The following ZNF730 variants were observed in gnomAD, a reference collection of about 807,000 sequenced individuals.
ZNF730 encodes the protein zinc finger protein 730.
A neutral mutation model predicts 12.6 loss-of-function variants in ZNF730; 12 were observed. The ratio of observed to expected loss-of-function variants is 0.95; its 90% CI spans 0.61 to 1.54. ZNF730 has a LOEUF of 1.54. Among genes scored for constraint, ZNF730 ranks in the 40% most tolerant of loss-of-function variants. The pLI, the probability that ZNF730 is intolerant of heterozygous loss-of-function variation, is 0.00. For missense variants in ZNF730, 643 were observed against 583.5 expected (o/e 1.10, Z -1.05); for synonymous variants, 194 against 195.8 (o/e 0.99, Z 0.08).
chr19:23,137,472 G>T (rs2145678435), intron 3 of ZNF730, among the ~76,000 whole-genome samples: 1 of 152,266 alleles, frequency 6.6e-6, no homozygotes, highest in Non-Finnish European at 1.5e-5. Flanking sequence ...CTTTAATCAG[G>T]TTTTAATGTA....
intron 1 of ZNF730, among the ~76,000 whole-genome samples, chr19:23,121,500 C>A (rs921163292): frequency 2.0e-5 from 3 of 152,042 alleles, no homozygotes; most frequent in South Asian, 2.1e-4. Context: ...TGCCACCATG[C>A]CTGGCTAATT....
At chr19:23,135,849 A>AT (rs1215373372) in intron 2 of ZNF730, 99 bp from the exon 3 acceptor site, 7 of 1,175,348 alleles carry the variant, frequency 6.0e-6, no homozygotes. Context: ...TTTGGGGTTA[A>AT]TTTACTAGAA....
At chr19:23,126,935 C>T (rs1016614999) in intron 1 of ZNF730, 4 of 519,040 alleles carry the variant, frequency 7.7e-6, no homozygotes, top group East Asian at 5.3e-5. Context: ...GTTTGAGGTC[C>T]TCATCAGCAG....
intron 3 of ZNF730, among the ~76,000 whole-genome samples, chr19:23,141,564 C>G (rs879137318): frequency 2.0e-5 from 3 of 152,188 alleles, no homozygotes; most frequent in Admixed American, 2.0e-4. Flanking sequence ...TTGCATTGAG[C>G]AGGATAGACA....
intron 1 of ZNF730, among the ~76,000 whole-genome samples, chr19:23,080,280 T>C (rs1969940510): frequency 6.6e-6 from 1 of 152,242 alleles, no homozygotes; most frequent in Non-Finnish European, 1.5e-5. Flanking sequence ...TGAGTCATAC[T>C]GCAATGTACA....
chr19:23,112,296 A>T (rs1555714068), upstream of ZNF730, among the ~76,000 whole-genome samples: 1 of 152,202 alleles, frequency 6.6e-6, no homozygotes, highest in Non-Finnish European at 1.5e-5. Flanking sequence ...TGATACTCTT[A>T]GTTAAGTTTG....
At chr19:23,096,627 A>G (rs1384262098) in intron 1 of ZNF730, among the ~76,000 whole-genome samples, 3 of 152,042 alleles carry the variant, frequency 2.0e-5, no homozygotes, top group African/African-American at 7.2e-5. Context: ...TCTGAGCCCT[A>G]CCCACAGAAG....
chr19:23,134,699 C>T lies in ZNF730; in HGVS notation c.130+493C>T, dbSNP rs1168525023. On this transcript the variant is annotated intron_variant, in intron 2 of 3. Transcript: ENST00000597761. ...CTGGGAAGTGAGGAGCCCCTCTGCCCGGCCACGACCCCGTCTGGGAGGTGT... is the reference window on the plus strand; with the variant it reads ...CTGGGAAGTGAGGAGCCCCTCTGCCTGGCCACGACCCCGTCTGGGAGGTGT... Among the ~76,000 whole-genome samples, 10 of 142,970 alleles carry T rather than the reference C, an allele frequency of 7.0e-5. No homozygotes were observed. In the East Asian group the frequency reaches 2.1e-3, roughly 30 times the overall value. The allele number at this position is 142,970 out of a possible 152,430, so 93.8% of individuals were successfully genotyped here. A position where few individuals can be genotyped will look rare whatever the true frequency, so the allele number is the denominator to read the frequency against.
intron 1 of ZNF730, among the ~76,000 whole-genome samples, chr19:23,089,514 C>A (rs557419249): frequency 1.3e-5 from 2 of 151,940 alleles, no homozygotes; most frequent in African/African-American, 2.4e-5. Flanking sequence ...TGTTTTTTTC[C>A]TGTAGTATTC....
At position 23,093,804 on chromosome 19, in the gene ZNF730, G is replaced by T. The variant is rs185081975; in HGVS notation, c.-94+18417G>T. On this transcript the variant is annotated intron_variant, in intron 1 of 2. Transcript: ENST00000593635. ...CGGTTGATCAACAGACGGGGTCAGGGGCATGGTGGGAAGGAAGGTTGGCAA... is the reference window on the plus strand; with the variant it reads ...CGGTTGATCAACAGACGGGGTCAGGTGCATGGTGGGAAGGAAGGTTGGCAA... Among the ~76,000 whole-genome samples, 24 of 152,276 alleles carry T rather than the reference G, an allele frequency of 1.6e-4. 1 individual carries two copies. The East Asian group carries it at 4.3e-3, about 27-fold the overall frequency.
At chr19:23,112,738 A>G (rs79911770), upstream of ZNF730, among the ~76,000 whole-genome samples, 4 of 151,080 alleles carry the variant, frequency 2.6e-5, no homozygotes, top group African/African-American at 4.8e-5. Context: ...AATAGAAGAA[A>G]AAAAAAAAAA....
chr19:23,133,026 T>C (rs1369415311), intron 1 of ZNF730, among the ~76,000 whole-genome samples: 1 of 152,220 alleles, frequency 6.6e-6, no homozygotes, highest in African/African-American at 2.4e-5. Flanking sequence ...CTTAGTCCAG[T>C]TGATATTAGT....
intron 1 of ZNF730, chr19:23,075,462 C>T (rs980040313): frequency 1.3e-5 from 2 of 152,620 alleles, no homozygotes; most frequent in African/African-American, 4.8e-5. Context: ...TCCCCACAGT[C>T]CGCTCCCGGG....
intron 3 of ZNF730, among the ~76,000 whole-genome samples, 156 bp from the exon 4 acceptor site, chr19:23,145,115 G>C (rs1970983308): frequency 6.6e-6 from 1 of 152,020 alleles, no homozygotes; most frequent in Non-Finnish European, 1.5e-5. Context: ...AATGTACTTT[G>C]GATTTTTGTT....
intron 1 of ZNF730, among the ~76,000 whole-genome samples, chr19:23,102,505 T>A (rs1765308355): frequency 1.3e-5 from 2 of 151,940 alleles, no homozygotes; most frequent in African/African-American, 2.4e-5. Flanking sequence ...TATTTATTTT[T>A]TTTATTTTTG....
chr19:23,082,245 C>T (rs1483710381), intron 1 of ZNF730, among the ~76,000 whole-genome samples: 5 of 151,950 alleles, frequency 3.3e-5, no homozygotes, highest in East Asian at 3.9e-4. Context: ...TCAGAGTCCT[C>T]GTATGAGTAA....
At chr19:23,116,825 A>T, upstream of ZNF730, 1 of 431,264 alleles carries the variant, frequency 2.3e-6, no homozygotes, top group Non-Finnish European at 4.2e-6. Context: ...GGCCTGTCTC[A>T]GTTCAGGGAG....
intron 1 of ZNF730, chr19:23,125,854 A>C (rs1376316044): frequency 6.3e-6 from 1 of 159,128 alleles, no homozygotes; most frequent in Non-Finnish European, 1.4e-5. Context: ...AGCATAATGC[A>C]GGAGTAGATT....
intron 1 of ZNF730, chr19:23,127,488 A>G: frequency 9.6e-7 from 1 of 1,036,492 alleles, no homozygotes; most frequent in Non-Finnish European, 1.5e-6. Context: ...TTTTCCCTTG[A>G]AGCATCAAAA....
Sources: gnomAD v4.1 joint callset for allele counts (sites outside exome capture counted in the v4.1 genomes callset) on GRCh38, gnomAD v4.1.1 for gene constraint, MANE v1.5 for transcripts, NCBI Gene and HGNC (gene_info 2026-07-23, HGNC 2026-07-21) for gene names.